ARVCF: variants seen among roughly 807,000 people sequenced by gnomAD.
ARVCF encodes splicing regulator ARVCF.
In ARVCF, 66 loss-of-function variants were observed where a neutral mutation model predicts 90.9. The ratio of observed to expected loss-of-function variants is 0.73; its 90% CI spans 0.60 to 0.89. The LOEUF is 0.89. ARVCF is among the 40% of genes least tolerant of loss of function. The pLI, the probability that ARVCF is intolerant of heterozygous loss-of-function variation, is 0.00. For synonymous variants in ARVCF, 653 were observed against 603.4 expected (o/e 1.08, Z -1.21); for missense variants, 1,469 against 1,382.3 (o/e 1.06, Z -1.00).
chr22:20,005,714 T>G (rs1401917205), intron 2 of ARVCF, among the ~76,000 whole-genome samples: 1 of 150,390 alleles, frequency 6.6e-6, no homozygotes, highest in Non-Finnish European at 1.5e-5. Flanking sequence ...CAGCTACTTG[T>G]GAACTTGGGA....
At position 19,982,173 on chromosome 22, in the gene ARVCF, C is replaced by T. The variant is rs2240716; in HGVS notation, c.211-82G>A. On this transcript the variant is annotated intron_variant, in intron 3 of 19. Coordinates refer to ENST00000263207, the MANE Select transcript of ARVCF (RefSeq NM_001670.3). ...CAGGTCTCCACACACAGCAGCTCTG[C>T]CTCAGCTCATGCTGGCCAGCACACC... The T allele has an allele frequency of 0.3, 465,671 of 1,544,406 alleles. 71,697 individuals are homozygous for T. The highest frequency in any genetic ancestry group is 0.37 in the South Asian group (30,686 of 83,500).
intron 7 of ARVCF, 71 bp from the exon 8 acceptor site, chr22:19,978,146 G>A: frequency 7.0e-7 from 1 of 1,424,072 alleles, no homozygotes; most frequent in East Asian, 2.3e-5. Context: ...TGGCCTTGTG[G>A]GCTTGTCTTC....
chr22:19,971,123 G>T lies in ARVCF; in HGVS notation c.*12+93C>A, dbSNP rs919144493. Reference sequence around the variant, plus strand: ...CCAAAGTCCTGCGGGGAACGTGCGGGAAGAGCAGAGCGTGCAGGCAGCGGA... The same window carrying T: ...CCAAAGTCCTGCGGGGAACGTGCGGTAAGAGCAGAGCGTGCAGGCAGCGGA... On this transcript the variant is annotated intron_variant, in intron 19 of 19. Transcript: ENST00000263207. 1.7e-5 allele frequency: 27 copies of T among 1,542,930 alleles called. No homozygotes were observed. In the African/African-American group the frequency reaches 3.2e-4, roughly 18 times the overall value.
chr22:19,979,624 A>C (rs1027609820), intron 6 of ARVCF, 119 bp downstream of exon 6: 4 of 1,404,548 alleles, frequency 2.8e-6, no homozygotes, highest in Non-Finnish European at 3.8e-6. Context: ...CAGCAGCTGC[A>C]CTCCTGCCTA....
chr22:20,012,087 C>CT (rs201606242), intron 1 of ARVCF, among the ~76,000 whole-genome samples: 3 of 143,406 alleles, frequency 2.1e-5, no homozygotes, highest in Non-Finnish European at 4.7e-5. Flanking sequence ...AGTCCCCCCC[C>CT]CCCACCCAGT....
rs372007733 is a variant in ARVCF at position 19,986,774 on chromosome 22, C to G, written c.210+3811G>C. ...GGGCGCTGGCCAAGAAGCGTCCATC[C>G]GGTCCGGGCCGGTGCCAAGAGGAGG... On this transcript the variant is annotated intron_variant, in intron 3 of 19. Transcript: ENST00000263207. 4 of 354,830 alleles carry G rather than the reference C, an allele frequency of 1.1e-5. No individual in the cohort carries two copies. The South Asian group carries it at 1.7e-4, about 16-fold the overall frequency. The allele number at this position is 354,830 out of a possible 1,614,324, so 22.0% of individuals were successfully genotyped here.
chr22:19,967,348 G>T (rs531216737), downstream of ARVCF: 6 of 593,310 alleles, frequency 1.0e-5, no homozygotes, highest in Admixed American at 7.0e-5. Context: ...TCCTCCTCCC[G>T]GGTGGCGCTT....
At chr22:19,967,404 TTTCTAAATGAAAA>T (rs1168616738), downstream of ARVCF, 1 of 476,848 alleles carries the variant, frequency 2.1e-6, no homozygotes, top group Admixed American at 2.4e-5. Flanking sequence ...TTTTTTTTTT[TTTCTAAATGAAAA>T]CACATCATGA....
chr22:19,982,780 C>T (rs1354195131), intron 3 of ARVCF, among the ~76,000 whole-genome samples: 2 of 152,204 alleles, frequency 1.3e-5, no homozygotes, highest in Non-Finnish European at 2.9e-5. Flanking sequence ...CACAGGTTTG[C>T]CCTACCTCGG....
intron 1 of ARVCF, among the ~76,000 whole-genome samples, chr22:20,011,337 G>T (rs1400954578): frequency 6.6e-6 from 1 of 152,188 alleles, no homozygotes; most frequent in Non-Finnish European, 1.5e-5. Context: ...GACAGGGAAG[G>T]GCTGGGCCTC....
At chr22:19,971,125 A>G in intron 19 of ARVCF, 91 bp downstream of exon 19, 1 of 1,542,996 alleles carries the variant, frequency 6.5e-7, no homozygotes, top group South Asian at 1.2e-5. Context: ...ACGTGCGGGA[A>G]GAGCAGAGCG....
chr22:20,004,523 ATTGT>A (rs1304155339), intron 2 of ARVCF, among the ~76,000 whole-genome samples: 1 of 152,144 alleles, frequency 6.6e-6, no homozygotes, highest in Non-Finnish European at 1.5e-5. Flanking sequence ...TCCCAATGAC[ATTGT>A]TTGCAGAAAC....
chr22:20,004,697 C>T (rs2146464110), intron 2 of ARVCF, among the ~76,000 whole-genome samples: 1 of 152,242 alleles, frequency 6.6e-6, no homozygotes, highest in Middle Eastern at 3.4e-3. Flanking sequence ...TAAGGACAGA[C>T]ACAAAGACCA....
chr22:19,980,479 C>T, intron 5 of ARVCF: 1 of 515,070 alleles, frequency 1.9e-6, no homozygotes, highest in Non-Finnish European at 3.1e-6. Context: ...CCCAGGCAAC[C>T]CTCCCAGGAC....
At chr22:20,004,032 TAA>T (rs1315764745) in intron 2 of ARVCF, among the ~76,000 whole-genome samples, 1 of 152,016 alleles carries the variant, frequency 6.6e-6, no homozygotes, top group Admixed American at 6.6e-5. Flanking sequence ...AGGTGCAGGA[TAA>T]AAAATGAATA....
At chr22:19,972,266 G>T in intron 17 of ARVCF, 92 bp downstream of exon 17, 1 of 1,541,340 alleles carries the variant, frequency 6.5e-7, no homozygotes, top group Non-Finnish European at 9.0e-7. Context: ...CCTCCACCCA[G>T]CACCATCTAC....
intron 2 of ARVCF, among the ~76,000 whole-genome samples, chr22:19,995,445 T>C (rs1278802076): frequency 6.6e-6 from 1 of 151,824 alleles, no homozygotes; most frequent in African/African-American, 2.4e-5. Flanking sequence ...CCTCACTAAG[T>C]GGGGAAAGCC....
intron 3 of ARVCF, among the ~76,000 whole-genome samples, chr22:19,984,408 C>T (rs550191580): frequency 9.9e-5 from 15 of 152,264 alleles, no homozygotes; most frequent in Middle Eastern, 3.4e-3. Flanking sequence ...CCATCAGCCC[C>T]GGCCTAGCAG....
chr22:20,016,296 G>C (rs2146544144), intron 1 of ARVCF, among the ~76,000 whole-genome samples: 1 of 152,262 alleles, frequency 6.6e-6, no homozygotes, highest in Admixed American at 6.5e-5. Context: ...GGAGTGCTCA[G>C]TGCAAGACGC....
Sources: allele counts gnomAD v4.1 joint callset (sites outside exome capture counted in the v4.1 genomes callset), GRCh38; gene constraint gnomAD v4.1.1; transcripts MANE v1.5; gene names NCBI Gene and HGNC (gene_info 2026-07-23, HGNC 2026-07-21).